GNG12: variants seen among roughly 807,000 people sequenced by gnomAD.
GNG12 encodes the protein G protein subunit gamma 12, also known as guanine nucleotide-binding protein G(I)/G(S)/G(O) subunit gamma-12.
For missense variants in GNG12, 69 were observed against 83.8 expected (o/e 0.82, Z 0.69); for synonymous variants, 28 against 29.7 (o/e 0.94, Z 0.19).
chr1:67,730,321 G>A (rs987467509), intron 2 of GNG12, among the ~76,000 whole-genome samples: 3 of 152,188 alleles, frequency 2.0e-5, no homozygotes, highest in Non-Finnish European at 2.9e-5. Flanking sequence ...CCAACATGGC[G>A]AAACTCCATC....
At chr1:67,769,092 A>T (rs964845133) in intron 2 of GNG12, among the ~76,000 whole-genome samples, 1 of 152,222 alleles carries the variant, frequency 6.6e-6, no homozygotes, top group African/African-American at 2.4e-5. Flanking sequence ...TCTTGCCAAG[A>T]GACTAGTACA....
intron 1 of GNG12, among the ~76,000 whole-genome samples, chr1:67,812,335 C>T (rs1433814928): frequency 6.6e-6 from 1 of 152,130 alleles, no homozygotes; most frequent in Admixed American, 6.5e-5. Flanking sequence ...CTACTTTGAG[C>T]CTCTCCTAAT....
rs562777911 is a variant in GNG12, at chr1:67,701,927, A to T, written c.*3524T>A. ...ATCTGAAGCAGCTTATAGCACCAAC[A>T]CGTTGGCAGGACCAGCAGAGGGGTG... is the stretch of plus-strand genomic sequence containing the variant. On this transcript the variant is annotated 3_prime_UTR_variant, in exon 4 of 4. Transcript: ENST00000370982. 1 of 152,724 alleles carries T rather than the reference A, an allele frequency of 6.5e-6. No homozygotes were observed. Among genetic ancestry groups the T allele is most frequent in the East Asian group, 1.9e-4 (1 of 5,182 alleles). The allele number at this position is 152,724 out of a possible 1,614,324, so 9.5% of individuals were successfully genotyped here. A position where few individuals can be genotyped will look rare whatever the true frequency, so the allele number is the denominator to read the frequency against.
intron 1 of GNG12, among the ~76,000 whole-genome samples, chr1:67,784,375 G>C (rs186108505): frequency 0.012 from 1,773 of 150,162 alleles, 20 homozygotes; most frequent in African/African-American, 0.031. Context: ...TAGATGACGA[G>C]TTAGTGGGTG....
intron 2 of GNG12, among the ~76,000 whole-genome samples, chr1:67,731,533 T>C (rs879877519): frequency 1.3e-5 from 2 of 152,120 alleles, no homozygotes; most frequent in Non-Finnish European, 2.9e-5. Flanking sequence ...AAGTGCATTC[T>C]AAGTGAGGGA....
Position 67,812,263 on chromosome 1 carries a change from T to A in GNG12, c.-77+21081A>T, listed in dbSNP as rs904400844. On this transcript the variant is annotated intron_variant, in intron 1 of 3. Coordinates refer to ENST00000370982, the MANE Select transcript of GNG12 (RefSeq NM_018841.6). The stretch of plus-strand genomic sequence containing the variant: ...AAATCTGTATCAAAACCAAAAATAT[T>A]TCCAGATACCATAGATTATTAAAAA... Among the ~76,000 whole-genome samples, 5 of 152,186 alleles carry A rather than the reference T, an allele frequency of 3.3e-5. No homozygotes were observed. The East Asian group carries it at 9.6e-4, about 29-fold the overall frequency.
intron 2 of GNG12, among the ~76,000 whole-genome samples, chr1:67,751,772 C>T (rs1646540210): frequency 6.6e-6 from 1 of 152,210 alleles, no homozygotes; most frequent in South Asian, 2.1e-4. Flanking sequence ...AAAGAGTTAT[C>T]ATGCAGATGC....
intron 1 of GNG12, among the ~76,000 whole-genome samples, chr1:67,829,698 T>A (rs1234031844): frequency 6.6e-6 from 1 of 152,210 alleles, no homozygotes; most frequent in Non-Finnish European, 1.5e-5. Flanking sequence ...CACCTAGAAG[T>A]ATGAGCCAGA....
At chr1:67,728,327 TG>T (rs1646398909) in intron 2 of GNG12, among the ~76,000 whole-genome samples, 1 of 152,212 alleles carries the variant, frequency 6.6e-6, no homozygotes, top group South Asian at 2.1e-4. Context: ...ACAGCAGAAC[TG>T]TCAGTCACAA....
Position 67,824,739 on chromosome 1 carries a change from T to G in GNG12, c.-77+8605A>C, listed in dbSNP as rs1237524516. 3.3e-5 allele frequency among the ~76,000 whole-genome samples: 5 copies of G among 152,106 alleles called. No individual in the cohort carries two copies. In the East Asian group the frequency reaches 9.6e-4, roughly 29 times the overall value. The stretch of plus-strand genomic sequence containing the variant: ...TAAAGCTAAGGTGGAGTTCAACAGC[T>G]CAGGAGGAGGAGTCGAAGAAACCTG... On this transcript the variant is annotated intron_variant, in intron 1 of 3. Transcript: ENST00000370982.
At chr1:67,821,480 G>A (rs775060828) in intron 1 of GNG12, among the ~76,000 whole-genome samples, 1 of 152,150 alleles carries the variant, frequency 6.6e-6, no homozygotes, top group Non-Finnish European at 1.5e-5. Context: ...GCAAAGAGCC[G>A]GAGGCCCTCA....
chr1:67,795,030 A>G (rs973395025), intron 1 of GNG12, among the ~76,000 whole-genome samples: 1 of 152,210 alleles, frequency 6.6e-6, no homozygotes, highest in Non-Finnish European at 1.5e-5. Flanking sequence ...ACACAGGGGT[A>G]CAGGGTTTCA....
At chr1:67,755,567 T>C (rs1646563244) in intron 2 of GNG12, among the ~76,000 whole-genome samples, 1 of 152,174 alleles carries the variant, frequency 6.6e-6, no homozygotes, top group African/African-American at 2.4e-5. Context: ...TAGATGGGCC[T>C]TCTTCAGGGG....
chr1:67,764,755 G>A (rs969196937), intron 2 of GNG12, among the ~76,000 whole-genome samples: 1 of 152,216 alleles, frequency 6.6e-6, no homozygotes, highest in Non-Finnish European at 1.5e-5. Context: ...CACAAGCAAG[G>A]AAGATGGGTG....
intron 1 of GNG12, among the ~76,000 whole-genome samples, chr1:67,792,013 C>T (rs1165266185): frequency 6.6e-6 from 1 of 152,186 alleles, no homozygotes; most frequent in Non-Finnish European, 1.5e-5. Flanking sequence ...AAACTTCTCA[C>T]AGACACTGCA....
At chr1:67,771,067 TACCAGAAAAGTA>T (rs1386209786) in intron 2 of GNG12, among the ~76,000 whole-genome samples, 1 of 152,100 alleles carries the variant, frequency 6.6e-6, no homozygotes, top group East Asian at 1.9e-4. Flanking sequence ...AACTTCTCAT[TACCAGAAAAGTA>T]ACCAGAAAAG....
In GNG12 at chr1:67,833,376, C is replaced by A; in HGVS notation, c.-109G>T. The A allele has an allele frequency of 1.0e-6, 1 of 985,540 alleles. No homozygotes were observed. Among genetic ancestry groups the A allele is most frequent in the Non-Finnish European group, 1.2e-6 (1 of 829,998 alleles). The allele number at this position is 985,540 out of a possible 1,614,324, so 61.0% of individuals were successfully genotyped here. On this transcript the variant is annotated 5_prime_UTR_variant, in exon 1 of 4. Coordinates refer to ENST00000370982, the MANE Select transcript of GNG12 (RefSeq NM_018841.6). ...CCGGTGCGCTGCCCCGCCGTCGCCG[C>A]CGGGACTCGGTCTCTAAGGGCTCCT...
At chr1:67,733,827 C>T (rs4655571) in intron 2 of GNG12, among the ~76,000 whole-genome samples, 2 of 152,140 alleles carry the variant, frequency 1.3e-5, no homozygotes, top group Admixed American at 1.3e-4. Flanking sequence ...CAACAAATAG[C>T]CCAGGCAGGC....
At chr1:67,796,437 T>C (rs996414834) in intron 1 of GNG12, among the ~76,000 whole-genome samples, 1 of 152,178 alleles carries the variant, frequency 6.6e-6, no homozygotes, top group Non-Finnish European at 1.5e-5. Flanking sequence ...AACTTGAGTG[T>C]ACCTTTCTCA....
Sources: allele counts gnomAD v4.1 joint callset (sites outside exome capture counted in the v4.1 genomes callset), GRCh38; gene constraint gnomAD v4.1.1; transcripts MANE v1.5; gene names NCBI Gene and HGNC (gene_info 2026-07-23, HGNC 2026-07-21).